Variants in SSUH2 observed in about 807,000 individuals in gnomAD.
SSUH2 encodes the protein ssu-2 homolog.
SSUH2 carries 47 observed loss-of-function variants against 55.3 expected under a neutral mutation model. That is an observed-to-expected ratio of 0.85 (90% CI 0.67 to 1.08). The LOEUF is 1.08. SSUH2 is among the 50% of genes least tolerant of loss of function. The probability of loss-of-function intolerance (pLI) is 0.00; values close to 1 mark genes in which losing one functional copy is unlikely to be tolerated. For missense variants in SSUH2, 535 were observed against 490.7 expected (o/e 1.09, Z -0.85); for synonymous variants, 212 against 191.5 (o/e 1.11, Z -0.89).
At chr3:8,647,108 G>C (rs1293853613), upstream of SSUH2, among the ~76,000 whole-genome samples, 2 of 152,208 alleles carry the variant, frequency 1.3e-5, no homozygotes, top group African/African-American at 4.8e-5. Flanking sequence ...TTAGGGTAGG[G>C]CAGAGCTTTA....
upstream of SSUH2, among the ~76,000 whole-genome samples, chr3:8,646,496 C>T (rs938666977): frequency 3.9e-5 from 6 of 152,202 alleles, no homozygotes; most frequent in African/African-American, 7.2e-5. Context: ...GCTGTATTTT[C>T]GTAACCAGGA....
Position 8,619,810 on chromosome 3 carries a change from T to C in SSUH2, c.*58A>G, listed in dbSNP as rs1696042724. On this transcript the variant is annotated 3_prime_UTR_variant, in exon 12 of 12. Coordinates refer to ENST00000544814, the MANE Select transcript of SSUH2 (RefSeq NM_001256748.3). The stretch of plus-strand genomic sequence containing the variant: ...GCCAACAGTGAACACACTCAGAGAG[T>C]GTCGGCCATCTTCCTTGGCAAACGT... 1 of 1,583,576 alleles carries C rather than the reference T, an allele frequency of 6.3e-7. No homozygotes were observed. The highest frequency in any genetic ancestry group is 1.2e-5 in the South Asian group (1 of 85,566).
Position 8,644,769 on chromosome 3 carries a change from T to C in SSUH2, c.-11A>G. ...CAGATCCCTGTCCATGTTCCAGACG[T>C]CCTGCCAAAGAGATGTCTGCCCTTC... On this transcript the variant is annotated 5_prime_UTR_variant, in exon 1 of 12. Coordinates refer to ENST00000544814, the MANE Select transcript of SSUH2 (RefSeq NM_001256748.3). 6.5e-7 allele frequency: 1 copy of C among 1,536,104 alleles called. No homozygotes were observed. Among genetic ancestry groups the C allele is most frequent in the South Asian group, 1.2e-5 (1 of 84,064 alleles).
intron 1 of SSUH2, among the ~76,000 whole-genome samples, chr3:8,643,687 G>A (rs1389639590): frequency 1.3e-5 from 2 of 152,112 alleles, no homozygotes; most frequent in Non-Finnish European, 2.9e-5. Flanking sequence ...TGCCTGCAAA[G>A]AAGCTCCAGT....
At chr3:8,681,085 G>A (rs1414267233) in intron 1 of SSUH2, among the ~76,000 whole-genome samples, 2 of 101,682 alleles carry the variant, frequency 2.0e-5, no homozygotes, top group Non-Finnish European at 4.7e-5. Context: ...CCATAGCAGG[G>A]GGGAGAGGCA....
At chr3:8,635,500 ATTT>A in intron 2 of SSUH2, 119 bp from the exon 3 acceptor site, 1 of 816,404 alleles carries the variant, frequency 1.2e-6, no homozygotes, top group Admixed American at 2.5e-5. Flanking sequence ...ACAGTGATGC[ATTT>A]AATGCAAAAA....
chr3:8,642,780 C>T (rs1231823570), intron 1 of SSUH2, among the ~76,000 whole-genome samples: 1 of 152,236 alleles, frequency 6.6e-6, no homozygotes, highest in Non-Finnish European at 1.5e-5. Flanking sequence ...CACCTCTCCC[C>T]TAAACAGGCA....
chr3:8,678,054 T>A (rs562584613), intron 2 of SSUH2, among the ~76,000 whole-genome samples: 2 of 151,958 alleles, frequency 1.3e-5, no homozygotes, highest in Non-Finnish European at 2.9e-5. Context: ...CTCTCCCACG[T>A]TGCAATTAGA....
Position 8,625,631 on chromosome 3 carries a change from C to T in SSUH2, c.784G>A (p.Glu262Lys). ...TTGAGCCGGTGCTCAGACACAAACT[C>T]AAACAAGCTGTTCTTCCTGGAGGGA... is the stretch of plus-strand genomic sequence containing the variant. Reference protein sequence around the residue: ...LVIMWKNSLFEFVSEHRLNCP... With the variant: ...LVIMWKNSLFKFVSEHRLNCP... Residue 262 changes from glutamate (E) to lysine (K), a missense_variant, in exon 10 of 12, where the codon GAG becomes AAG. Glu to Lys is a moderately conservative substitution (Grantham distance 56). Transcript: ENST00000544814. The T allele has an allele frequency of 1.2e-6, 2 of 1,613,532 alleles. No homozygotes were observed. The highest frequency in any genetic ancestry group is 1.7e-6 in the Non-Finnish European group (2 of 1,179,522).
chr3:8,624,134 C>A (rs962714048), intron 10 of SSUH2, among the ~76,000 whole-genome samples: 1 of 147,484 alleles, frequency 6.8e-6, no homozygotes, highest in Admixed American at 6.6e-5. Flanking sequence ...GGCATCTCCT[C>A]GGTCCCCAAA....
At chr3:8,629,538 G>T in intron 7 of SSUH2, 126 bp downstream of exon 7, 1 of 769,306 alleles carries the variant, frequency 1.3e-6, no homozygotes, top group South Asian at 1.7e-5. Context: ...CAGAAAGGGA[G>T]GATGACTTGG....
At chr3:8,660,835 G>A (rs557378552) in intron 6 of SSUH2, among the ~76,000 whole-genome samples, 13 of 152,324 alleles carry the variant, frequency 8.5e-5, no homozygotes, top group East Asian at 7.7e-4. Flanking sequence ...TGAATCCACT[G>A]AGCCGGTGAG....
At chr3:8,654,480 A>C (rs1471999406) in intron 7 of SSUH2, among the ~76,000 whole-genome samples, 1 of 152,218 alleles carries the variant, frequency 6.6e-6, no homozygotes, top group Non-Finnish European at 1.5e-5. Context: ...CTCTCAATAG[A>C]CACCCAAATT....
chr3:8,642,625 G>T (rs1200683222), intron 1 of SSUH2, among the ~76,000 whole-genome samples: 2 of 152,222 alleles, frequency 1.3e-5, no homozygotes, highest in African/African-American at 4.8e-5. Flanking sequence ...ATCCCAGAAC[G>T]TTCCTATCCA....
intron 4 of SSUH2, 121 bp downstream of exon 4, chr3:8,633,545 A>T (rs1009786026): frequency 4.2e-5 from 32 of 755,902 alleles, no homozygotes; most frequent in Non-Finnish European, 6.0e-5. Flanking sequence ...CTCACACTCA[A>T]ACACACTGCC....
chr3:8,627,635 G>T, intron 8 of SSUH2, 63 bp downstream of exon 8: 1 of 1,380,070 alleles, frequency 7.2e-7, no homozygotes, highest in Non-Finnish European at 9.8e-7. Flanking sequence ...CTTCCAGATG[G>T]GCAGGCAATG....
chr3:8,670,976 C>T (rs946182490), intron 5 of SSUH2: 11 of 414,454 alleles, frequency 2.7e-5, no homozygotes, highest in East Asian at 7.1e-5. Context: ...GAGGATATAA[C>T]GAATAATGTC....
At chr3:8,659,171 A>G (rs1703229913) in intron 6 of SSUH2, among the ~76,000 whole-genome samples, 3 of 152,174 alleles carry the variant, frequency 2.0e-5, no homozygotes, top group Non-Finnish European at 1.5e-5. Context: ...TAAAGAAAAC[A>G]TGGATGTTTC....
At chr3:8,640,669 G>A (rs1309709567) in intron 1 of SSUH2, among the ~76,000 whole-genome samples, 1 of 152,050 alleles carries the variant, frequency 6.6e-6, no homozygotes, top group Non-Finnish European at 1.5e-5. Context: ...AAGAAGGAAG[G>A]AGAAAGGCAA....
Sources: gnomAD v4.1 joint callset for allele counts (sites outside exome capture counted in the v4.1 genomes callset) on GRCh38, gnomAD v4.1.1 for gene constraint, MANE v1.5 for transcripts, NCBI Gene and HGNC (gene_info 2026-07-23, HGNC 2026-07-21) for gene names.